The following SMYD3 variants were observed in gnomAD, a reference collection of about 807,000 sequenced individuals.
SMYD3 encodes histone-lysine N-methyltransferase SMYD3.
Under a neutral mutation model 57.7 loss-of-function variants are expected in SMYD3, and 36 were observed. The observed-to-expected ratio is 0.62, with a 90% CI of 0.48 to 0.82. The LOEUF (loss-of-function observed/expected upper bound fraction) is 0.82. SMYD3 is among the 40% of genes least tolerant of loss of function. The pLI is 0.00. For synonymous variants in SMYD3, 211 were observed against 195.0 expected (o/e 1.08, Z -0.68); for missense variants, 515 against 538.8 (o/e 0.96, Z 0.44).
intron 2 of SMYD3, among the ~76,000 whole-genome samples, chr1:246,350,045 A>C (rs1002479593): frequency 1.3e-5 from 2 of 152,222 alleles, no homozygotes; most frequent in Admixed American, 6.5e-5. Context: ...TTTTACATAT[A>C]AATAGATTAA....
intron 5 of SMYD3, among the ~76,000 whole-genome samples, chr1:246,186,325 T>A (rs2062639593): frequency 6.6e-6 from 1 of 152,154 alleles, no homozygotes; most frequent in Admixed American, 6.5e-5. Flanking sequence ...AGGAAAATAA[T>A]CTATTGCATT....
chr1:245,893,159 C>G (rs1330641821), intron 8 of SMYD3, among the ~76,000 whole-genome samples: 1 of 152,124 alleles, frequency 6.6e-6, no homozygotes, highest in East Asian at 1.9e-4. Flanking sequence ...TGCAATGTTA[C>G]CACACTAAAT....
intron 1 of SMYD3, among the ~76,000 whole-genome samples, chr1:246,373,312 C>T (rs542166431): frequency 2.0e-5 from 3 of 152,096 alleles, no homozygotes; most frequent in Non-Finnish European, 4.4e-5. Context: ...TAGTCTAACG[C>T]AGGGCATAGA....
At chr1:246,440,026 T>C (rs2067439556) in intron 1 of SMYD3, among the ~76,000 whole-genome samples, 1 of 152,182 alleles carries the variant, frequency 6.6e-6, no homozygotes, top group Non-Finnish European at 1.5e-5. Flanking sequence ...ACTTAACTCT[T>C]GTTTATATCC....
Position 246,403,055 on chromosome 1 carries a change from C to A in SMYD3, c.165-47961G>T, listed in dbSNP as rs371372885. Among the ~76,000 whole-genome samples, 390 of 152,272 alleles carry A rather than the reference C, an allele frequency of 2.6e-3. 1 individual carries two copies. The highest frequency in any genetic ancestry group is 9.1e-3 in the African/African-American group (380 of 41,562). On this transcript the variant is annotated intron_variant, in intron 1 of 11. Coordinates refer to ENST00000490107, the MANE Select transcript of SMYD3 (RefSeq NM_001167740.2). ...ATTAAGAGTCACCATTAAAAACAAACAAAACTCATATGGCAAACTTCTGAT... is the reference window on the plus strand; with the variant it reads ...ATTAAGAGTCACCATTAAAAACAAAAAAAACTCATATGGCAAACTTCTGAT...
At chr1:245,801,276 T>C (rs2047848116) in intron 10 of SMYD3, among the ~76,000 whole-genome samples, 1 of 152,254 alleles carries the variant, frequency 6.6e-6, no homozygotes, top group Non-Finnish European at 1.5e-5. Context: ...ACAATAATAG[T>C]GTCAATAAAC....
chr1:246,214,601 C>T (rs2063136592), intron 5 of SMYD3, among the ~76,000 whole-genome samples: 1 of 152,072 alleles, frequency 6.6e-6, no homozygotes, highest in Non-Finnish European at 1.5e-5. Context: ...AGTATGCCTC[C>T]AAGAAGTAAG....
At chr1:246,088,471 G>C (rs1156910774) in intron 5 of SMYD3, among the ~76,000 whole-genome samples, 1 of 134,012 alleles carries the variant, frequency 7.5e-6, no homozygotes, top group East Asian at 2.4e-4. Context: ...TTAGCCGGGC[G>C]TGGTGACAGG....
At chr1:245,915,820 C>T (rs2055369737) in intron 7 of SMYD3, among the ~76,000 whole-genome samples, 180 bp from the exon 8 acceptor site, 1 of 152,136 alleles carries the variant, frequency 6.6e-6, no homozygotes, top group African/African-American at 2.4e-5. Flanking sequence ...AATTTTTAAT[C>T]TATTTCCTTT....
intron 5 of SMYD3, among the ~76,000 whole-genome samples, chr1:246,030,304 A>G (rs1026932436): frequency 1.3e-5 from 2 of 152,304 alleles, no homozygotes; most frequent in Admixed American, 1.3e-4. Flanking sequence ...TGTTAAGTGA[A>G]ATATGTCAAG....
chr1:246,228,953 G>A (rs909486282), intron 5 of SMYD3, among the ~76,000 whole-genome samples: 2 of 152,000 alleles, frequency 1.3e-5, no homozygotes. Flanking sequence ...TGGAATTTTT[G>A]AGCCAACTTT....
chr1:246,122,180 C>G (rs2061434822), intron 5 of SMYD3, among the ~76,000 whole-genome samples: 1 of 152,042 alleles, frequency 6.6e-6, no homozygotes, highest in South Asian at 2.1e-4. Flanking sequence ...GAGGCAGAGG[C>G]AGGAGAATCT....
chr1:246,240,543 C>T (rs1450893579), intron 5 of SMYD3, among the ~76,000 whole-genome samples: 1 of 151,720 alleles, frequency 6.6e-6, no homozygotes, highest in Non-Finnish European at 1.5e-5. Context: ...CAGCTTTGTT[C>T]TTTTGGCTTA....
chr1:246,036,539 C>CTTTTTTTTTTTTTT (rs59062672), intron 5 of SMYD3, among the ~76,000 whole-genome samples: 20 of 144,952 alleles, frequency 1.4e-4, no homozygotes, highest in African/African-American at 4.1e-4. Flanking sequence ...TTCTTTCTCT[C>CTTTTTTTTTTTTTT]TTTTTTTTTT....
At chr1:246,379,721 C>T (rs577158078) in intron 1 of SMYD3, among the ~76,000 whole-genome samples, 11 of 152,142 alleles carry the variant, frequency 7.2e-5, no homozygotes, top group Admixed American at 5.9e-4. Flanking sequence ...TTGAAAAGGC[C>T]GGGTATGGTG....
chr1:245,814,966 G>T (rs2048719891), intron 10 of SMYD3, among the ~76,000 whole-genome samples: 1 of 152,080 alleles, frequency 6.6e-6, no homozygotes, highest in Non-Finnish European at 1.5e-5. Flanking sequence ...AAAGACAGCT[G>T]TCCATTGGTG....
At chr1:245,979,269 A>C (rs1170074492) in intron 5 of SMYD3, among the ~76,000 whole-genome samples, 2 of 152,300 alleles carry the variant, frequency 1.3e-5, no homozygotes, top group East Asian at 1.9e-4. Context: ...GGGGTGAATA[A>C]GGAAGTTCCA....
At chr1:246,172,686 C>T (rs2062362565) in intron 5 of SMYD3, among the ~76,000 whole-genome samples, 1 of 146,252 alleles carries the variant, frequency 6.8e-6, no homozygotes, top group Non-Finnish European at 1.5e-5. Flanking sequence ...ACTTAGGCTA[C>T]ACAGGCCTAG....
intron 7 of SMYD3, among the ~76,000 whole-genome samples, chr1:245,917,421 G>C (rs1288669504): frequency 6.6e-6 from 1 of 152,192 alleles, no homozygotes; most frequent in African/African-American, 2.4e-5. Context: ...CTTCGTCATA[G>C]GTAGAGAAGC....
Sources: allele counts gnomAD v4.1 joint callset (sites outside exome capture counted in the v4.1 genomes callset), GRCh38; gene constraint gnomAD v4.1.1; transcripts MANE v1.5; gene names NCBI Gene and HGNC (gene_info 2026-07-23, HGNC 2026-07-21).